JMJD1C: variants seen among roughly 807,000 people sequenced by gnomAD.
JMJD1C encodes jumonji domain-containing protein 1C.
A neutral mutation model predicts 245.3 loss-of-function variants in JMJD1C; 31 were observed. The ratio of observed to expected loss-of-function variants is 0.13; its 90% CI spans 0.09 to 0.17. JMJD1C has a LOEUF of 0.17. Ranked by LOEUF, JMJD1C falls within the 10% of genes least tolerant of loss-of-function variation. The probability of loss-of-function intolerance (pLI) is 1.00; values close to 1 mark genes in which losing one functional copy is unlikely to be tolerated. For synonymous variants in JMJD1C, 1,057 were observed against 1,017.4 expected (o/e 1.04, Z -0.74); for missense variants, 2,691 against 3,000.2 (o/e 0.90, Z 2.41).
At chr10:63,265,615 T>C (rs1855469316) in intron 2 of JMJD1C, among the ~76,000 whole-genome samples, 1 of 152,168 alleles carries the variant, frequency 6.6e-6, no homozygotes. Context: ...GTGTCTTATA[T>C]TCATGGTACT....
At chr10:63,513,701 A>C (rs1440387285) in intron 1 of JMJD1C, among the ~76,000 whole-genome samples, 4 of 152,160 alleles carry the variant, frequency 2.6e-5, no homozygotes, top group African/African-American at 4.8e-5. Flanking sequence ...TCATGAGGTC[A>C]GGAGATCGAG....
chr10:63,394,907 C>T (rs1948367539), intron 1 of JMJD1C, among the ~76,000 whole-genome samples: 1 of 149,354 alleles, frequency 6.7e-6, no homozygotes, highest in Admixed American at 6.7e-5. Context: ...CTGTGAAAAT[C>T]AATGTTAAAA....
intron 2 of JMJD1C, among the ~76,000 whole-genome samples, chr10:63,355,791 T>C (rs1020267806): frequency 5.3e-5 from 8 of 151,824 alleles, no homozygotes; most frequent in Non-Finnish European, 8.8e-5. Flanking sequence ...TCTTAGATCA[T>C]ATACAATAAT....
chr10:63,449,824 A>C (rs958062696), intron 1 of JMJD1C, among the ~76,000 whole-genome samples: 1 of 152,118 alleles, frequency 6.6e-6, no homozygotes, highest in African/African-American at 2.4e-5. Context: ...CACAATTCCA[A>C]GCAAAGTTAG....
intron 10 of JMJD1C, chr10:63,203,753 T>A (rs1846285827): frequency 1.0e-6 from 1 of 973,614 alleles, no homozygotes; most frequent in South Asian, 4.8e-5. Flanking sequence ...AGCTTTAATG[T>A]ACTAAGAAAC....
intron 2 of JMJD1C, among the ~76,000 whole-genome samples, chr10:63,302,086 G>A (rs958408405): frequency 2.1e-4 from 32 of 152,004 alleles, no homozygotes; most frequent in Admixed American, 3.9e-4. Flanking sequence ...GTGGGATCAC[G>A]GCTAACTGCA....
chr10:63,403,506 T>C (rs1025358430), intron 1 of JMJD1C, among the ~76,000 whole-genome samples: 1 of 152,216 alleles, frequency 6.6e-6, no homozygotes, highest in African/African-American at 2.4e-5. Context: ...GTTTTCAAGT[T>C]AGTCAAAATT....
chr10:63,367,814 A>G (rs953008496), intron 2 of JMJD1C, among the ~76,000 whole-genome samples: 7 of 152,204 alleles, frequency 4.6e-5, no homozygotes, highest in Non-Finnish European at 7.3e-5. Context: ...CTGGAAAGAC[A>G]TAACAACACA....
chr10:63,414,436 G>A (rs1255529434), intron 1 of JMJD1C, among the ~76,000 whole-genome samples: 1 of 151,908 alleles, frequency 6.6e-6, no homozygotes, highest in African/African-American at 2.4e-5. Flanking sequence ...GAGATCTCAA[G>A]TCTAACCAGA....
intron 11 of JMJD1C, among the ~76,000 whole-genome samples, chr10:63,198,979 A>C (rs893035091): frequency 1.3e-5 from 2 of 152,156 alleles, no homozygotes; most frequent in Admixed American, 6.5e-5. Context: ...TACTTACTTA[A>C]CTCCAATAAA....
Position 63,223,463 on chromosome 10 carries a change from A to G in JMJD1C, c.448-3480T>C, listed in dbSNP as rs112560177. Among the ~76,000 whole-genome samples, 617 of 151,804 alleles carry G rather than the reference A, an allele frequency of 4.1e-3. 3 individuals carry two copies. Among genetic ancestry groups the G allele is most frequent in the African/African-American group, 0.014 (584 of 41,410 alleles). ...GGCTGGTCTCAAACTCCTGGACTCAAGCGATCTGCCCACCTTGGCTTCCCA... is the reference window on the plus strand; with the variant it reads ...GGCTGGTCTCAAACTCCTGGACTCAGGCGATCTGCCCACCTTGGCTTCCCA... On this transcript the variant is annotated intron_variant, in intron 3 of 25. Coordinates refer to ENST00000399262, the MANE Select transcript of JMJD1C (RefSeq NM_032776.3).
At chr10:63,338,459 TTTG>T (rs576432997) in intron 2 of JMJD1C, among the ~76,000 whole-genome samples, 25 of 151,432 alleles carry the variant, frequency 1.7e-4, no homozygotes, top group Admixed American at 1.4e-3. Flanking sequence ...AATGATTTGT[TTTG>T]TTGTTGTTGC....
intron 2 of JMJD1C, among the ~76,000 whole-genome samples, chr10:63,379,262 G>A (rs1292724703): frequency 6.6e-6 from 1 of 152,044 alleles, no homozygotes; most frequent in Non-Finnish European, 1.5e-5. Context: ...TCAAATACCT[G>A]CAATAATGTT....
At chr10:63,339,170 T>C (rs1253896646) in intron 2 of JMJD1C, among the ~76,000 whole-genome samples, 1 of 152,180 alleles carries the variant, frequency 6.6e-6, no homozygotes, top group Non-Finnish European at 1.5e-5. Flanking sequence ...GATGGTACTG[T>C]ATACACCAAT....
At chr10:63,317,570 G>C (rs1940249124) in intron 2 of JMJD1C, among the ~76,000 whole-genome samples, 1 of 152,022 alleles carries the variant, frequency 6.6e-6, no homozygotes. Context: ...CCCATTGTTT[G>C]CAATTCTTTA....
intron 2 of JMJD1C, among the ~76,000 whole-genome samples, chr10:63,345,262 G>A (rs535244020): frequency 6.6e-5 from 10 of 152,178 alleles, no homozygotes; most frequent in African/African-American, 1.2e-4. Flanking sequence ...CGAGGTGGGC[G>A]GATCACCTGA....
intron 1 of JMJD1C, among the ~76,000 whole-genome samples, chr10:63,436,972 T>C (rs1236090141): frequency 1.3e-5 from 2 of 152,184 alleles, no homozygotes; most frequent in Non-Finnish European, 2.9e-5. Context: ...CACCATTTCA[T>C]TGCTATTCAT....
Position 63,214,270 on chromosome 10 carries a change from T to A in JMJD1C, c.1897A>T (p.Thr633Ser), listed in dbSNP as rs765409826. 1 of 1,614,046 alleles carries A rather than the reference T, an allele frequency of 6.2e-7. No individual in the cohort carries two copies. The highest frequency in any genetic ancestry group is 1.1e-5 in the South Asian group (1 of 91,072). The change falls in exon 8 of 26, where the codon ACT (threonine) becomes TCT (serine). Residue 633 changes from threonine to serine, a missense_variant. Thr to Ser is a moderately conservative substitution (Grantham distance 58). This residue lies in a region of JMJD1C where 1,562 missense variants were observed against 1,490.7 expected (regional missense o/e 1.05). Coordinates refer to ENST00000399262, the MANE Select transcript of JMJD1C (RefSeq NM_032776.3). ...IKSKLNTSVD[T>S]HKIKSSPSPE... ...GATGGGCTGGATTTTATCTTGTGAG[T>A]ATCTACTGAAGTATTAAGTTTAGAT...
intron 3 of JMJD1C, among the ~76,000 whole-genome samples, chr10:63,264,204 T>C (rs1855235836): frequency 6.6e-6 from 1 of 152,038 alleles, no homozygotes; most frequent in Admixed American, 6.6e-5. Flanking sequence ...TATAAAATCA[T>C]TCAATTACTG....
Sources: allele counts gnomAD v4.1 joint callset (sites outside exome capture counted in the v4.1 genomes callset), GRCh38; gene constraint gnomAD v4.1.1; regional missense constraint gnomAD v4.1.1; transcripts MANE v1.5; gene names NCBI Gene and HGNC (gene_info 2026-07-23, HGNC 2026-07-21).